The following CEP63 variants were observed in gnomAD, a reference collection of about 807,000 sequenced individuals.
The protein encoded by CEP63 is centrosomal protein 63.
In CEP63, 84 loss-of-function variants were observed where a neutral mutation model predicts 89.1. That is an observed-to-expected ratio of 0.94 (90% confidence interval 0.79 to 1.13). The LOEUF is 1.13. Among genes scored for constraint, CEP63 ranks in the 50% most tolerant of loss-of-function variants. The pLI, the probability that CEP63 is intolerant of heterozygous loss-of-function variation, is 0.00. For synonymous variants in CEP63, 267 were observed against 272.5 expected (o/e 0.98, Z 0.20); for missense variants, 838 against 813.3 (o/e 1.03, Z -0.37).
chr3:134,575,552 A>G (rs1457382612), downstream of CEP63, among the ~76,000 whole-genome samples: 2 of 115,800 alleles, frequency 1.7e-5, no homozygotes, highest in Non-Finnish European at 3.3e-5. Context: ...CTTTGGAGAC[A>G]GGGTCTCACT....
chr3:134,774,273 A>G, the CEP63 span, among the ~76,000 whole-genome samples: 1 of 152,128 alleles, frequency 6.6e-6, no homozygotes, highest in Non-Finnish European at 1.5e-5. Flanking sequence ...CTCCTCTACT[A>G]TGCTCAGTCA....
At chr3:134,500,461 A>G (rs549502244) in intron 2 of CEP63, among the ~76,000 whole-genome samples, 1 of 152,262 alleles carries the variant, frequency 6.6e-6, no homozygotes, top group South Asian at 2.1e-4. Context: ...ATACCTGGTA[A>G]TGGAATTGCT....
Position 134,543,829 on chromosome 3 carries a change from A to G in CEP63, c.556-1757A>G, listed in dbSNP as rs553412652. 2.1e-4 allele frequency among the ~76,000 whole-genome samples: 23 copies of G among 111,034 alleles called. No individual in the cohort carries two copies. In the Admixed American group the frequency reaches 2.5e-3, roughly 12 times the overall value. 72.8% of individuals were successfully genotyped at this position (111,034 alleles called of 152,430 possible). A position where few individuals can be genotyped will look rare whatever the true frequency, so the allele number is the denominator to read the frequency against. On this transcript the variant is annotated intron_variant, in intron 6 of 14. Transcript: ENST00000675561. ...TGCATTTATTTATTCTGCACAGGAA[A>G]CCTTTCCTCTTTGAAAGAAAAGTTT...
chr3:134,597,176 A>G, the CEP63 span, among the ~76,000 whole-genome samples: 1 of 152,146 alleles, frequency 6.6e-6, no homozygotes, highest in Admixed American at 6.5e-5. Flanking sequence ...AGAGTGCAGC[A>G]TGGAGCGATC....
At chr3:134,697,641 GCA>G in the CEP63 span, among the ~76,000 whole-genome samples, 1 of 152,112 alleles carries the variant, frequency 6.6e-6, no homozygotes, top group Non-Finnish European at 1.5e-5. Context: ...ACCCACACCT[GCA>G]CACACACTGC....
the CEP63 span, among the ~76,000 whole-genome samples, chr3:134,646,007 G>T: frequency 6.6e-6 from 1 of 152,166 alleles, no homozygotes; most frequent in South Asian, 2.1e-4. Context: ...CTCAGGCAAG[G>T]TATGAGACAG....
chr3:134,624,517 A>G, the CEP63 span, among the ~76,000 whole-genome samples: 1 of 152,120 alleles, frequency 6.6e-6, no homozygotes, highest in Non-Finnish European at 1.5e-5. Context: ...CCTGGCTCCA[A>G]TGACTTCCAT....
chr3:134,650,906 G>T, the CEP63 span: 1 of 1,613,218 alleles, frequency 6.2e-7, no homozygotes, highest in South Asian at 1.1e-5. Context: ...TTCTCCGAGT[G>T]CACGATCAGC....
the CEP63 span, among the ~76,000 whole-genome samples, chr3:134,766,103 G>C: frequency 2.6e-5 from 4 of 152,206 alleles, no homozygotes; most frequent in African/African-American, 4.8e-5. Context: ...AGGGTGCTCT[G>C]GTAGTGAAAA....
At chr3:134,757,142 C>T in the CEP63 span, among the ~76,000 whole-genome samples, 1 of 152,150 alleles carries the variant, frequency 6.6e-6, no homozygotes, top group Non-Finnish European at 1.5e-5. Context: ...AGCTGCTTAC[C>T]CACAGCCACT....
At chr3:134,695,447 A>C in the CEP63 span, among the ~76,000 whole-genome samples, 1 of 152,204 alleles carries the variant, frequency 6.6e-6, no homozygotes, top group Non-Finnish European at 1.5e-5. Context: ...CTGCCCATAC[A>C]TGGTGATGAC....
At chr3:134,636,230 T>C in the CEP63 span, among the ~76,000 whole-genome samples, 2 of 152,198 alleles carry the variant, frequency 1.3e-5, no homozygotes, top group African/African-American at 2.4e-5. Flanking sequence ...TTATGAATGA[T>C]TTTATCAATC....
At chr3:134,580,644 C>CA (rs1416734510) in intron 10 of CEP63, among the ~76,000 whole-genome samples, 1 of 151,934 alleles carries the variant, frequency 6.6e-6, no homozygotes, top group Non-Finnish European at 1.5e-5. Flanking sequence ...AACACAAATG[C>CA]AAAAGTCATT....
At chr3:134,657,363 G>C in the CEP63 span, among the ~76,000 whole-genome samples, 1 of 152,074 alleles carries the variant, frequency 6.6e-6, no homozygotes, top group Non-Finnish European at 1.5e-5. Context: ...TTTTGGCGGA[G>C]ACACAGCCAA....
At chr3:134,517,211 C>T (rs148438928) in intron 3 of CEP63, among the ~76,000 whole-genome samples, 48 of 152,260 alleles carry the variant, frequency 3.2e-4, no homozygotes, top group African/African-American at 1.1e-3. Flanking sequence ...TCCAGTTGCC[C>T]TGAAGTCCAT....
intron 3 of CEP63, among the ~76,000 whole-genome samples, chr3:134,526,104 A>G (rs1385309908): frequency 2.0e-5 from 3 of 151,978 alleles, no homozygotes; most frequent in Admixed American, 6.6e-5. Flanking sequence ...ACATAATCCC[A>G]TATATCTTGG....
At chr3:134,734,813 T>A in the CEP63 span, among the ~76,000 whole-genome samples, 3 of 152,154 alleles carry the variant, frequency 2.0e-5, no homozygotes, top group African/African-American at 7.2e-5. Context: ...GAGCCTTTGG[T>A]CACAACATTC....
the CEP63 span, among the ~76,000 whole-genome samples, chr3:134,776,731 C>T: frequency 6.6e-6 from 1 of 152,100 alleles, no homozygotes; most frequent in African/African-American, 2.4e-5. Flanking sequence ...GAGGTCCTGT[C>T]CAATGGGTAT....
chr3:134,545,601 C>T lies in CEP63; in HGVS notation c.571C>T (p.Arg191Trp), dbSNP rs759870175. 33 of 1,613,592 alleles carry T rather than the reference C, an allele frequency of 2.0e-5. No individual in the cohort carries two copies. Among genetic ancestry groups the T allele is most frequent in the South Asian group, 2.2e-5 (2 of 91,076 alleles). Residue 191 changes from arginine (R) to tryptophan (W), a missense_variant, in exon 7 of 15, where the codon CGG (arginine) becomes TGG (tryptophan). Physicochemically the swap from Arg to Trp is moderately radical, Grantham distance 101 (BLOSUM62 -3). Transcript: ENST00000675561. ...SEIIQAQLVNRKQKLESVELS... is the reference protein window; with the variant it reads ...SEIIQAQLVNWKQKLESVELS... ...GTGTTTCTAGGCTCAGCTTGTCAAT[C>T]GGAAACAGAAATTAGAGTCTGTGGA...
Sources: gnomAD v4.1 joint callset for allele counts (sites outside exome capture counted in the v4.1 genomes callset) on GRCh38, gnomAD v4.1.1 for gene constraint, MANE v1.5 for transcripts, NCBI Gene and HGNC (gene_info 2026-07-23, HGNC 2026-07-21) for gene names.